Variants in ZBBX observed in about 807,000 individuals in gnomAD.
The protein encoded by ZBBX is zinc finger B-box domain containing.
In ZBBX, 101 loss-of-function variants were observed where a neutral mutation model predicts 108.5. That is an observed-to-expected ratio of 0.93 (90% CI 0.79 to 1.10). ZBBX has a LOEUF of 1.10. Among genes scored for constraint, ZBBX ranks in the 50% least tolerant of loss-of-function variants. ZBBX has a pLI of 0.00. For synonymous variants in ZBBX, 356 were observed against 323.4 expected, an observed-to-expected ratio of 1.10 and a Z score of -1.08; for missense variants, 1,009 against 941.4, an observed-to-expected ratio of 1.07 and a Z score of -0.94.
At chr3:167,283,125 A>G (rs1021346406) in intron 19 of ZBBX, among the ~76,000 whole-genome samples, 1 of 152,180 alleles carries the variant, frequency 6.6e-6, no homozygotes, top group African/African-American at 2.4e-5. Flanking sequence ...GATCTAAATT[A>G]GGTTATTACA....
chr3:167,243,542 G>C (rs1721045336), intron 20 of ZBBX, among the ~76,000 whole-genome samples: 1 of 151,932 alleles, frequency 6.6e-6, no homozygotes, highest in Admixed American at 6.6e-5. Flanking sequence ...GGGATTATAG[G>C]CATGTGCCAC....
intron 9 of ZBBX, among the ~76,000 whole-genome samples, chr3:167,336,699 G>A (rs372378860): frequency 2.4e-4 from 37 of 152,104 alleles, no homozygotes; most frequent in African/African-American, 6.7e-4. Flanking sequence ...TTGATTTCCC[G>A]AAACTGAAAA....
intron 1 of ZBBX, among the ~76,000 whole-genome samples, chr3:167,398,135 A>C (rs755982970): frequency 6.6e-6 from 1 of 152,074 alleles, no homozygotes; most frequent in Admixed American, 6.6e-5. Context: ...CAGTCAAGCA[A>C]GATTACAGAT....
At chr3:167,197,870 C>A in the ZBBX span, among the ~76,000 whole-genome samples, 5 of 152,130 alleles carry the variant, frequency 3.3e-5, no homozygotes, top group Non-Finnish European at 5.9e-5. Context: ...ATAAGAACTA[C>A]AGTATGTGTC....
chr3:167,329,599 C>T (rs1738055106), intron 10 of ZBBX, among the ~76,000 whole-genome samples: 1 of 152,048 alleles, frequency 6.6e-6, no homozygotes, highest in Admixed American at 6.6e-5. Flanking sequence ...ACAAGAATTC[C>T]ATAAGCAAAA....
At chr3:167,322,451 A>G (rs1736605192) in intron 11 of ZBBX, among the ~76,000 whole-genome samples, 1 of 152,012 alleles carries the variant, frequency 6.6e-6, no homozygotes, top group African/African-American at 2.4e-5. Flanking sequence ...CAATCTCTTG[A>G]AATGAAGGGA....
At chr3:167,284,679 A>C (rs2108538875) in intron 19 of ZBBX, among the ~76,000 whole-genome samples, 1 of 152,326 alleles carries the variant, frequency 6.6e-6, no homozygotes. Flanking sequence ...AAAAGTACAC[A>C]AAGGACAGGT....
intron 1 of ZBBX, among the ~76,000 whole-genome samples, chr3:167,385,541 T>G (rs1560214105): frequency 6.6e-6 from 1 of 152,196 alleles, no homozygotes; most frequent in East Asian, 1.9e-4. Context: ...AACTTTACTT[T>G]ATAAACTTAT....
the ZBBX span, among the ~76,000 whole-genome samples, chr3:167,202,697 T>C: frequency 3.9e-5 from 6 of 152,128 alleles, no homozygotes; most frequent in Non-Finnish European, 7.4e-5. Context: ...AAGTTTATAA[T>C]GGGCATGCCG....
rs552991662 is a variant in ZBBX, at chr3:167,300,603, C to A, written c.1726-2145G>T. 5.0e-4 allele frequency among the ~76,000 whole-genome samples: 75 copies of A among 150,202 alleles called. 1 individual carries two copies. In the South Asian group the frequency reaches 0.013, roughly 26 times the overall value. The stretch of plus-strand genomic sequence containing the variant: ...CACACACACATTCCCATCTCCCCCA[C>A]CAACCCTTTTTTTTTTTTTTTACGA... On this transcript the variant is annotated intron_variant, in intron 17 of 21. Transcript: ENST00000675490.
rs145558133 is a variant in ZBBX at position 167,306,304 on chromosome 3, A to G, written c.1418-354T>C. On this transcript the variant is annotated intron_variant, in intron 16 of 21. Transcript: ENST00000675490. ...AATTTTACAACAGTAATTCATGAGA[A>G]GTAACACAGGGGGAACATTTTTTCA... Among the ~76,000 whole-genome samples, 1,288 of 152,304 alleles carry G rather than the reference A, an allele frequency of 8.5e-3. 7 individuals are homozygous for G. Among genetic ancestry groups the G allele is most frequent in the Non-Finnish European group, 0.013 (886 of 68,008 alleles).
chr3:167,225,242 A>T, the ZBBX span, among the ~76,000 whole-genome samples: 1 of 151,900 alleles, frequency 6.6e-6, no homozygotes, highest in Non-Finnish European at 1.5e-5. Context: ...TGCTGCTGCC[A>T]TGAGTTATTT....
the ZBBX span, among the ~76,000 whole-genome samples, chr3:167,192,665 C>T: frequency 1.3e-5 from 2 of 152,124 alleles, no homozygotes; most frequent in African/African-American, 4.8e-5. Flanking sequence ...CACTCCTTTT[C>T]ATTCTTTTTT....
At chr3:167,399,572 T>C (rs1398923027) in intron 1 of ZBBX, 1 of 152,146 alleles carries the variant, frequency 6.6e-6, no homozygotes, top group Admixed American at 6.5e-5. Context: ...AGCCAGAGTT[T>C]CACAGGTAAA....
chr3:167,359,300 G>A (rs1744132042), intron 8 of ZBBX, among the ~76,000 whole-genome samples: 1 of 152,132 alleles, frequency 6.6e-6, no homozygotes, highest in Non-Finnish European at 1.5e-5. Context: ...GGACTGATTG[G>A]AAAAGGCACA....
intron 8 of ZBBX, among the ~76,000 whole-genome samples, chr3:167,356,316 TAAG>T (rs1166349079): frequency 6.6e-6 from 1 of 152,060 alleles, no homozygotes. Context: ...TATAATGTAA[TAAG>T]AAGAGTATTC....
At chr3:167,360,020 T>C (rs906270480) in intron 7 of ZBBX, 41 bp from the exon 8 acceptor site, 2 of 1,201,950 alleles carry the variant, frequency 1.7e-6, no homozygotes, top group African/African-American at 3.1e-5. Flanking sequence ...CATTTAAAAA[T>C]ATGTTAAATT....
At chr3:167,214,622 A>C in the ZBBX span, among the ~76,000 whole-genome samples, 5 of 152,180 alleles carry the variant, frequency 3.3e-5, no homozygotes, top group African/African-American at 1.2e-4. Flanking sequence ...ACCTGAACTC[A>C]ACATTAGAAC....
At chr3:167,292,691 A>G (rs1730919006) in intron 18 of ZBBX, among the ~76,000 whole-genome samples, 3 of 152,204 alleles carry the variant, frequency 2.0e-5, no homozygotes. Context: ...GACAAGAAAT[A>G]ACTAAGATCA....
Sources: allele counts gnomAD v4.1 joint callset (sites outside exome capture counted in the v4.1 genomes callset), GRCh38; gene constraint gnomAD v4.1.1; transcripts MANE v1.5; gene names NCBI Gene and HGNC (gene_info 2026-07-23, HGNC 2026-07-21).